PRMT3: variants seen among roughly 807,000 people sequenced by gnomAD.
The protein encoded by PRMT3 is protein arginine methyltransferase 3.
PRMT3 carries 62 observed loss-of-function variants against 71.9 expected under a neutral mutation model. The ratio of observed to expected loss-of-function variants is 0.86; its 90% CI spans 0.70 to 1.07. PRMT3 has a LOEUF of 1.07. Among genes scored for constraint, PRMT3 ranks in the 50% least tolerant of loss-of-function variants. The pLI, the probability that PRMT3 is intolerant of heterozygous loss-of-function variation, is 0.00. For synonymous variants in PRMT3, 213 were observed against 220.4 expected, an observed-to-expected ratio of 0.97 and a Z score of 0.30; for missense variants, 663 against 643.0, an observed-to-expected ratio of 1.03 and a Z score of -0.34.
intron 10 of PRMT3, 28 bp from the exon 11 acceptor site, chr11:20,452,102 A>G: frequency 1.3e-6 from 2 of 1,509,916 alleles, no homozygotes; most frequent in South Asian, 1.1e-5. Flanking sequence ...ACATTTCTAA[A>G]CTCTTTTTTT....
intron 13 of PRMT3, among the ~76,000 whole-genome samples, chr11:20,474,646 C>CT (rs1228037322): frequency 2.6e-5 from 4 of 152,184 alleles, no homozygotes; most frequent in Admixed American, 6.5e-5. Context: ...TGGGCAGGAT[C>CT]GCACAATCAC....
chr11:20,403,475 C>T (rs1848995247), intron 8 of PRMT3, among the ~76,000 whole-genome samples: 1 of 152,026 alleles, frequency 6.6e-6, no homozygotes. Context: ...TTTAGAGATA[C>T]TTTGTATTTT....
chr11:20,416,778 T>C (rs1002408849), intron 9 of PRMT3, among the ~76,000 whole-genome samples: 1 of 152,194 alleles, frequency 6.6e-6, no homozygotes, highest in African/African-American at 2.4e-5. Flanking sequence ...GCTCATAGAA[T>C]AGCCCGTTAT....
At chr11:20,480,339 GC>G (rs1234030227) in intron 13 of PRMT3, among the ~76,000 whole-genome samples, 3 of 152,158 alleles carry the variant, frequency 2.0e-5, no homozygotes, top group African/African-American at 7.2e-5. Context: ...AGTGGTTCTT[GC>G]GTTAGCTAGA....
At chr11:20,446,184 T>C (rs1027181791) in intron 10 of PRMT3, among the ~76,000 whole-genome samples, 3 of 152,154 alleles carry the variant, frequency 2.0e-5, no homozygotes, top group African/African-American at 7.2e-5. Flanking sequence ...AGTAAAATTT[T>C]ATTTCATACC....
intron 3 of PRMT3, among the ~76,000 whole-genome samples, chr11:20,391,950 A>AG (rs1325802580): frequency 3.9e-5 from 6 of 152,202 alleles, no homozygotes; most frequent in African/African-American, 1.2e-4. Flanking sequence ...CTGACAAAGG[A>AG]GGAGTAGAAT....
At chr11:20,443,417 T>G (rs572938412) in intron 10 of PRMT3, among the ~76,000 whole-genome samples, 1 of 152,354 alleles carries the variant, frequency 6.6e-6, no homozygotes, top group South Asian at 2.1e-4. Flanking sequence ...GGTTGAACTT[T>G]GGGCTTTGTC....
intron 13 of PRMT3, among the ~76,000 whole-genome samples, chr11:20,468,975 T>G (rs1474018607): frequency 6.6e-6 from 1 of 152,206 alleles, no homozygotes; most frequent in Non-Finnish European, 1.5e-5. Flanking sequence ...ATTTAACATG[T>G]GATATTTATA....
chr11:20,404,863 T>C (rs1375296425), intron 8 of PRMT3, among the ~76,000 whole-genome samples: 2 of 152,158 alleles, frequency 1.3e-5, no homozygotes, highest in Non-Finnish European at 2.9e-5. Flanking sequence ...AGCATTATCA[T>C]TGTTTTTCTT....
At chr11:20,508,173 A>T (rs1008355970) in intron 15 of PRMT3, 131 bp from the exon 16 acceptor site, 1 of 497,520 alleles carries the variant, frequency 2.0e-6, no homozygotes, top group East Asian at 3.3e-5. Flanking sequence ...AAAAAAAAGA[A>T]TATTAACCTT....
chr11:20,394,043 C>T (rs1848772714), intron 5 of PRMT3, among the ~76,000 whole-genome samples: 1 of 152,178 alleles, frequency 6.6e-6, no homozygotes, highest in Admixed American at 6.5e-5. Context: ...AAGAATTCAA[C>T]TTAGGCTGTA....
In PRMT3 at chr11:20,392,350, A is replaced by AG; in HGVS notation, c.297+92dup. ...TGTACTGATTATTTAAAAGAATATGAGGAACTGCATTAAATTTGGTACTCA... is the reference window on the plus strand; with the variant it reads ...TGTACTGATTATTTAAAAGAATATGAGGGAACTGCATTAAATTTGGTACTCA... On this transcript the variant is annotated intron_variant, in intron 4 of 15. Coordinates refer to ENST00000331079, the MANE Select transcript of PRMT3 (RefSeq NM_005788.4). The AG allele has an allele frequency of 3.0e-6, 4 of 1,333,906 alleles. No individual in the cohort carries two copies. The South Asian group carries it at 5.6e-5, about 19-fold the overall frequency. The allele number at this position is 1,333,906 out of a possible 1,614,324, so 82.6% of individuals were successfully genotyped here.
At chr11:20,469,248 C>T (rs1193560736) in intron 13 of PRMT3, among the ~76,000 whole-genome samples, 1 of 152,100 alleles carries the variant, frequency 6.6e-6, no homozygotes, top group East Asian at 1.9e-4. Context: ...TGTTCAAAAG[C>T]AAAAGCGGTA....
At position 20,471,853 on chromosome 11, in the gene PRMT3, T is replaced by C. The variant is rs539706329; in HGVS notation, c.1347+7307T>C. Among the ~76,000 whole-genome samples the C allele has an allele frequency of 5.9e-5, 9 of 152,314 alleles. No homozygotes were observed. In the East Asian group the frequency reaches 1.4e-3, roughly 23 times the overall value. On this transcript the variant is annotated intron_variant, in intron 13 of 15. Coordinates refer to ENST00000331079, the MANE Select transcript of PRMT3 (RefSeq NM_005788.4). ...CCTTAGCATGGAATGTTTTTCAATT[T>C]GTTTGTGTCCTTTCTGTTTTCTTTG...
intron 13 of PRMT3, among the ~76,000 whole-genome samples, chr11:20,488,091 A>G (rs536776200): frequency 6.6e-6 from 1 of 152,342 alleles, no homozygotes; most frequent in Non-Finnish European, 1.5e-5. Flanking sequence ...TGTTCCCTAG[A>G]GGAGAATCAT....
intron 15 of PRMT3, among the ~76,000 whole-genome samples, chr11:20,504,745 A>AGAGAGAGAGAGAGAGAGAGAGAGAGAGC (rs1491497481): frequency 7.1e-6 from 1 of 141,140 alleles, no homozygotes; most frequent in African/African-American, 2.6e-5. Flanking sequence ...AGAGAGAGAG[A>AGAGAGAGAGAGAGAGAGAGAGAGAGAGC]GCGAGAGCGA....
chr11:20,496,123 A>G (rs1304727943), intron 15 of PRMT3, among the ~76,000 whole-genome samples: 1 of 152,212 alleles, frequency 6.6e-6, no homozygotes, highest in Non-Finnish European at 1.5e-5. Flanking sequence ...AAAAATCTTT[A>G]TAGTAGCATG....
chr11:20,449,800 T>G (rs968805621), intron 10 of PRMT3, among the ~76,000 whole-genome samples: 2 of 152,132 alleles, frequency 1.3e-5, no homozygotes, highest in African/African-American at 4.8e-5. Flanking sequence ...TTAATAACTT[T>G]TATTTATTCA....
At chr11:20,488,916 GC>G (rs1590105383) in intron 13 of PRMT3, among the ~76,000 whole-genome samples, 1 of 152,046 alleles carries the variant, frequency 6.6e-6, no homozygotes, top group East Asian at 1.9e-4. Flanking sequence ...GTTTACAAAT[GC>G]CATGAGTTTT....
Sources: allele counts gnomAD v4.1 joint callset (sites outside exome capture counted in the v4.1 genomes callset), GRCh38; gene constraint gnomAD v4.1.1; transcripts MANE v1.5; gene names NCBI Gene and HGNC (gene_info 2026-07-23, HGNC 2026-07-21).